Variants in CCDC170 observed in about 807,000 individuals in gnomAD.
The protein encoded by CCDC170 is coiled-coil domain-containing protein 170.
In CCDC170, 69 loss-of-function variants were observed where a neutral mutation model predicts 72.6. The observed-to-expected ratio is 0.95, with a 90% CI of 0.78 to 1.16. The LOEUF is 1.16. CCDC170 is among the 50% of genes most tolerant of loss of function. CCDC170 has a pLI of 0.00. For missense variants in CCDC170, 852 were observed against 832.5 expected (o/e 1.02, Z -0.29); for synonymous variants, 300 against 303.9 (o/e 0.99, Z 0.13).
chr6:151,553,498 T>C (rs1035006979), intron 5 of CCDC170, among the ~76,000 whole-genome samples: 7 of 152,134 alleles, frequency 4.6e-5, no homozygotes, highest in African/African-American at 1.7e-4. Flanking sequence ...GAGGAGGGGT[T>C]AAAAAAGACT....
At chr6:151,592,768 A>G (rs1034554619) in intron 7 of CCDC170, among the ~76,000 whole-genome samples, 1 of 152,228 alleles carries the variant, frequency 6.6e-6, no homozygotes, top group Non-Finnish European at 1.5e-5. Flanking sequence ...TGAGAGGGGC[A>G]TGGTTGCAGC....
chr6:151,552,779 CTTTTTTTTTTTTTTT>C (rs71014597), intron 5 of CCDC170, among the ~76,000 whole-genome samples: 4 of 56,706 alleles, frequency 7.1e-5, no homozygotes, highest in South Asian at 1.1e-3. Flanking sequence ...TCAGCCAATT[CTTTTTTTTTTTTTTT>C]TTTTTTTTTT....
At position 151,544,704 on chromosome 6, in the gene CCDC170, T is replaced by C. The variant is rs1782745768; in HGVS notation, c.576T>C (p.Asp192=). 1.2e-6 allele frequency: 2 copies of C among 1,611,578 alleles called. No homozygotes were observed. The highest frequency in any genetic ancestry group is 1.6e-4 in the Middle Eastern group (1 of 6,078). The change falls in exon 4 of 11, where the codon GAT becomes GAC. Residue 192 remains aspartate, a synonymous_variant. Coordinates refer to ENST00000239374, the MANE Select transcript of CCDC170 (RefSeq NM_025059.4). The part of the protein sequence containing the change: ...DERNDKASDE[D]LILKLRDLRK... ...GGAATGACAAGGCATCAGATGAAGA[T>C]TTAATTTTAAAGGTGTCTGTATGCA...
At chr6:151,499,758 T>G (rs1010466395) in intron 1 of CCDC170, among the ~76,000 whole-genome samples, 4 of 149,760 alleles carry the variant, frequency 2.7e-5, no homozygotes, top group South Asian at 4.2e-4. Context: ...TTCTTCATGA[T>G]GTAACATGTA....
chr6:151,574,089 T>G (rs1346205919), intron 6 of CCDC170, among the ~76,000 whole-genome samples: 1 of 152,126 alleles, frequency 6.6e-6, no homozygotes, highest in Non-Finnish European at 1.5e-5. Context: ...AAAATAAAAA[T>G]TAAGTCCCAG....
At chr6:151,529,883 G>A (rs1782469918) in intron 1 of CCDC170, among the ~76,000 whole-genome samples, 2 of 152,086 alleles carry the variant, frequency 1.3e-5, no homozygotes, top group Non-Finnish European at 2.9e-5. Context: ...GCATGGTGTG[G>A]TGTCTGGTGA....
chr6:151,581,071 A>C (rs1197131801), intron 6 of CCDC170, among the ~76,000 whole-genome samples: 1 of 152,162 alleles, frequency 6.6e-6, no homozygotes, highest in Non-Finnish European at 1.5e-5. Flanking sequence ...GTTTTGCTGT[A>C]ATGTTGATGG....
At chr6:151,587,436 T>C (rs904657364) in intron 7 of CCDC170, among the ~76,000 whole-genome samples, 2 of 151,774 alleles carry the variant, frequency 1.3e-5, no homozygotes, top group Admixed American at 6.6e-5. Flanking sequence ...CTGGACAGGA[T>C]GGCGGGGAAA....
chr6:151,567,046 C>A (rs936176861), intron 5 of CCDC170, among the ~76,000 whole-genome samples: 1 of 152,042 alleles, frequency 6.6e-6, no homozygotes, highest in East Asian at 1.9e-4. Context: ...TCAGCTTCCC[C>A]AGTAGCTAGG....
rs1315567377 is a variant in CCDC170, at chr6:151,495,401, T to TA, written c.57+1216_57+1217insA. Among the ~76,000 whole-genome samples the TA allele has an allele frequency of 2.5e-3, 372 of 151,360 alleles. 1 individual carries two copies. Among genetic ancestry groups the TA allele is most frequent in the African/African-American group, 8.0e-3 (331 of 41,132 alleles). On this transcript the variant is annotated intron_variant, in intron 1 of 10. Coordinates refer to ENST00000239374, the MANE Select transcript of CCDC170 (RefSeq NM_025059.4). ...GGTATTTTTATATTATTAATATATA[T>TA]TTTTTTTGGTGAGCCCATTGAGAGT...
intron 1 of CCDC170, among the ~76,000 whole-genome samples, chr6:151,533,803 G>C (rs1782531711): frequency 6.6e-6 from 1 of 151,922 alleles, no homozygotes. Flanking sequence ...ACAATTCTAA[G>C]TGTGGTTGTT....
intron 1 of CCDC170, among the ~76,000 whole-genome samples, chr6:151,519,778 T>G (rs1180579081): frequency 6.6e-6 from 1 of 152,218 alleles, no homozygotes; most frequent in Non-Finnish European, 1.5e-5. Context: ...TTTTAGACCA[T>G]ACAGGGTAAT....
chr6:151,514,796 G>A (rs573258250), intron 1 of CCDC170, among the ~76,000 whole-genome samples: 25 of 152,280 alleles, frequency 1.6e-4, no homozygotes, highest in African/African-American at 5.5e-4. Flanking sequence ...AAAGTGAGTC[G>A]GAAGGGAGAG....
intron 9 of CCDC170, among the ~76,000 whole-genome samples, chr6:151,599,229 A>G (rs1328374013): frequency 6.6e-6 from 1 of 152,240 alleles, no homozygotes; most frequent in Admixed American, 6.5e-5. Flanking sequence ...AATTTCTCTT[A>G]CCCATAGGGA....
At chr6:151,565,407 G>A (rs1301305847) in intron 5 of CCDC170, among the ~76,000 whole-genome samples, 2 of 152,166 alleles carry the variant, frequency 1.3e-5, no homozygotes, top group African/African-American at 4.8e-5. Context: ...AGGAATCCAT[G>A]ATGGGAGTAT....
rs1554223885 is a variant in CCDC170, at chr6:151,572,653, T to TTTTTTTTTCG, written c.775-513_775-512insCGTTTTTTTT. On this transcript the variant is annotated intron_variant, in intron 5 of 10. Transcript: ENST00000239374. ...TATTTTATATCCCTTCTCTGTGTTTTTTTTTTTTTTTTTTTTGATGGAGTC... is the reference window on the plus strand; with the variant it reads ...TATTTTATATCCCTTCTCTGTGTTTTTTTTTTTTCGTTTTTTTTTTTTTTTTGATGGAGTC... Among the ~76,000 whole-genome samples, 6 of 100,510 alleles carry TTTTTTTTTCG rather than the reference T, an allele frequency of 6.0e-5. 1 individual carries two copies. The South Asian group carries it at 1.3e-3, about 22-fold the overall frequency. 65.9% of individuals were successfully genotyped at this position (100,510 alleles called of 152,430 possible). A position where few individuals can be genotyped will look rare whatever the true frequency, so the allele number is the denominator to read the frequency against.
intron 6 of CCDC170, among the ~76,000 whole-genome samples, chr6:151,580,959 T>TA (rs1776371559): frequency 6.6e-6 from 1 of 152,198 alleles, no homozygotes; most frequent in Non-Finnish European, 1.5e-5. Context: ...ACCCTATATC[T>TA]AAAAAACAAT....
At chr6:151,509,852 T>C (rs1465065786) in intron 1 of CCDC170, among the ~76,000 whole-genome samples, 1 of 152,086 alleles carries the variant, frequency 6.6e-6, no homozygotes, top group African/African-American at 2.4e-5. Context: ...AGGCCAGGCG[T>C]GGTGGCTCAC....
chr6:151,587,163 C>T (rs1247611912), intron 7 of CCDC170, among the ~76,000 whole-genome samples: 4 of 152,082 alleles, frequency 2.6e-5, no homozygotes, highest in Non-Finnish European at 5.9e-5. Context: ...GAAACAATGG[C>T]ACTGATAACC....
Sources: allele counts gnomAD v4.1 joint callset (sites outside exome capture counted in the v4.1 genomes callset), GRCh38; gene constraint gnomAD v4.1.1; transcripts MANE v1.5; gene names NCBI Gene and HGNC (gene_info 2026-07-23, HGNC 2026-07-21).